Variants in EXD3 observed in about 807,000 individuals in gnomAD.
The protein encoded by EXD3 is exonuclease mut-7 homolog.
A neutral mutation model predicts 98.0 loss-of-function variants in EXD3; 92 were observed. The observed-to-expected ratio is 0.94, with a 90% CI of 0.79 to 1.12. EXD3 has a LOEUF of 1.12. EXD3 is among the 50% of genes most tolerant of loss of function. The pLI is 0.00. For missense variants in EXD3, 1,222 were observed against 1,191.6 expected, an observed-to-expected ratio of 1.03 and a Z score of -0.38; for synonymous variants, 569 against 526.0, an observed-to-expected ratio of 1.08 and a Z score of -1.12.
Position 137,352,752 on chromosome 9 carries a change from T to G in EXD3, c.905A>C (p.Gln302Pro). Residue 302 changes from glutamine (Q) to proline (P), a missense_variant, in exon 11 of 22, where the codon CAG becomes CCG. Transcript: ENST00000340951. ...GTGGGAGACCAGCAGCTGAGACAGCTGCTCCTGAAGCCACGGGCTCTGCCC... is the reference window on the plus strand; with the variant it reads ...GTGGGAGACCAGCAGCTGAGACAGCGGCTCCTGAAGCCACGGGCTCTGCCC... ...LVGQSPWLQE[Q>P]LSQLLVSHSD... 6.3e-7 allele frequency: 1 copy of G among 1,578,660 alleles called. No homozygotes were observed. Among genetic ancestry groups the G allele is most frequent in the East Asian group, 2.3e-5 (1 of 43,014 alleles).
At chr9:137,330,120 TACAC>T (rs1333735268) in intron 17 of EXD3, among the ~76,000 whole-genome samples, 2 of 94,442 alleles carry the variant, frequency 2.1e-5, no homozygotes, top group African/African-American at 4.3e-5. Context: ...ACACAGGAGC[TACAC>T]AGGAGCTACA....
chr9:137,400,013 G>T (rs1837403794), intron 1 of EXD3, among the ~76,000 whole-genome samples: 1 of 136,316 alleles, frequency 7.3e-6, no homozygotes, highest in African/African-American at 2.8e-5. Flanking sequence ...CTGGGTGACA[G>T]AGCAGAACTC....
In EXD3 at chr9:137,407,962, G is replaced by A. The variant is rs1188902475; in HGVS notation, c.-47-12558C>T. Reference sequence around the variant, plus strand: ...GCCTCAAGCCTCCAGGGGTTTTCCAGCCTCACGCCTCCGGGGGTCTCCCCA... The same window carrying A: ...GCCTCAAGCCTCCAGGGGTTTTCCAACCTCACGCCTCCGGGGGTCTCCCCA... On this transcript the variant is annotated intron_variant, in intron 1 of 21. Coordinates refer to ENST00000340951, the MANE Select transcript of EXD3 (RefSeq NM_017820.5). This position sits in a 1 kb window ranked among gnomAD's most constrained non-coding sequence, Gnocchi z 4.4. 6.6e-6 allele frequency among the ~76,000 whole-genome samples: 1 copy of A among 151,922 alleles called. No homozygotes were observed. The highest frequency in any genetic ancestry group is 1.5e-5 in the Non-Finnish European group (1 of 67,886).
intron 17 of EXD3, among the ~76,000 whole-genome samples, chr9:137,344,319 C>G (rs986394758): frequency 3.3e-5 from 5 of 152,130 alleles, no homozygotes; most frequent in African/African-American, 1.2e-4. Context: ...GCAACAACTT[C>G]CGGCACCAAA....
At chr9:137,378,717 C>T (rs544678157) in intron 3 of EXD3, among the ~76,000 whole-genome samples, 4 of 152,328 alleles carry the variant, frequency 2.6e-5, no homozygotes, top group East Asian at 1.9e-4. Flanking sequence ...GCCTTGATAT[C>T]GTGCTAAATG....
chr9:137,351,204 C>G, intron 13 of EXD3, 57 bp from the exon 14 acceptor site: 1 of 1,538,448 alleles, frequency 6.5e-7, no homozygotes, highest in Non-Finnish European at 8.8e-7. Context: ...GCACTGTCCC[C>G]TGACCCCAGG....
In EXD3 at chr9:137,324,928, G is replaced by A. The variant is rs537481760; in HGVS notation, c.1999-785C>T. Among the ~76,000 whole-genome samples the A allele has an allele frequency of 3.9e-5, 6 of 152,180 alleles. No homozygotes were observed. Among genetic ancestry groups the A allele is most frequent in the Admixed American group, 2.6e-4 (4 of 15,276 alleles). ...AGGATGGTCTCGATCTCCTGACCTC[G>A]TGATCTGCCCGCCTCGGCCTCCCAA... On this transcript the variant is annotated intron_variant, in intron 17 of 21. Transcript: ENST00000340951. The surrounding 1 kb of genome is among the most constrained non-coding windows in gnomAD (Gnocchi z 4.1).
chr9:137,415,480 C>T (rs1034358115), intron 1 of EXD3, among the ~76,000 whole-genome samples: 2 of 152,138 alleles, frequency 1.3e-5, no homozygotes, highest in African/African-American at 2.4e-5. Flanking sequence ...AGGCAGGAGC[C>T]ACTGCTCCTG....
At chr9:137,388,577 G>A (rs986728848) in intron 2 of EXD3, among the ~76,000 whole-genome samples, 2 of 152,102 alleles carry the variant, frequency 1.3e-5, no homozygotes, top group Non-Finnish European at 2.9e-5. Context: ...AGGGTTGGGG[G>A]CACAGAAGCC....
intron 17 of EXD3, among the ~76,000 whole-genome samples, chr9:137,336,350 T>A (rs1833350516): frequency 6.6e-6 from 1 of 152,202 alleles, no homozygotes; most frequent in Non-Finnish European, 1.5e-5. Flanking sequence ...TAGATATCGT[T>A]AACTCAAATA....
chr9:137,411,117 C>T (rs1837975170), intron 1 of EXD3, among the ~76,000 whole-genome samples: 1 of 152,230 alleles, frequency 6.6e-6, no homozygotes, highest in Admixed American at 6.5e-5. Flanking sequence ...GAACCTGTAG[C>T]AGATTCCGGC....
intron 19 of EXD3, among the ~76,000 whole-genome samples, chr9:137,311,081 C>T (rs1831333869): frequency 2.6e-5 from 4 of 152,208 alleles, no homozygotes; most frequent in Admixed American, 2.0e-4. Context: ...CTACCTGCCT[C>T]CAGCATTGCA....
At chr9:137,417,494 G>A (rs1483247248) in intron 1 of EXD3, among the ~76,000 whole-genome samples, 1 of 152,180 alleles carries the variant, frequency 6.6e-6, no homozygotes, top group East Asian at 1.9e-4. Flanking sequence ...ACACCCCACA[G>A]CCCACCCGTT....
chr9:137,406,224 A>G (rs1837704832), intron 1 of EXD3, among the ~76,000 whole-genome samples: 2 of 146,276 alleles, frequency 1.4e-5, no homozygotes, highest in African/African-American at 2.6e-5. Context: ...TCCAAAAAAG[A>G]AAAAGAAAAG....
At chr9:137,320,004 A>G (rs1831943056) in intron 19 of EXD3, among the ~76,000 whole-genome samples, 1 of 152,242 alleles carries the variant, frequency 6.6e-6, no homozygotes, top group Non-Finnish European at 1.5e-5. Flanking sequence ...TGCATGGACC[A>G]GCACCCGCTC....
chr9:137,411,907 G>C (rs1450436908), intron 1 of EXD3, among the ~76,000 whole-genome samples: 1 of 152,232 alleles, frequency 6.6e-6, no homozygotes, highest in African/African-American at 2.4e-5. Flanking sequence ...TTTTTCTGTG[G>C]TGTTTCCCTG....
intron 2 of EXD3, among the ~76,000 whole-genome samples, chr9:137,388,839 C>T (rs1468361242): frequency 6.6e-6 from 1 of 152,180 alleles, no homozygotes; most frequent in Non-Finnish European, 1.5e-5. Flanking sequence ...AGAGCCCGGC[C>T]GCCCAGACCA....
chr9:137,407,077 G>A lies in EXD3; in HGVS notation c.-47-11673C>T, dbSNP rs1471809797. ...AAACCCGCCCGTTCACAGAGGCACCGGAGCGGGCGGGCGGGGGCGGCCTGC... is the reference window on the plus strand; with the variant it reads ...AAACCCGCCCGTTCACAGAGGCACCAGAGCGGGCGGGCGGGGGCGGCCTGC... On this transcript the variant is annotated intron_variant, in intron 1 of 21. Transcript: ENST00000340951. This position sits in a 1 kb window ranked among gnomAD's most constrained non-coding sequence, Gnocchi z 4.4. Among the ~76,000 whole-genome samples, 1 of 152,140 alleles carries A rather than the reference G, an allele frequency of 6.6e-6. No homozygotes were observed. Among genetic ancestry groups the A allele is most frequent in the African/African-American group, 2.4e-5 (1 of 41,430 alleles).
At chr9:137,397,211 C>T (rs1837260834) in intron 1 of EXD3, among the ~76,000 whole-genome samples, 1 of 152,256 alleles carries the variant, frequency 6.6e-6, no homozygotes, top group African/African-American at 2.4e-5. Flanking sequence ...AGAGGAAGGC[C>T]TGCTCCAGAG....
Sources: allele counts gnomAD v4.1 joint callset (sites outside exome capture counted in the v4.1 genomes callset), GRCh38; gene constraint gnomAD v4.1.1; non-coding constraint Gnocchi (gnomAD v3.1); transcripts MANE v1.5; gene names NCBI Gene and HGNC (gene_info 2026-07-23, HGNC 2026-07-21).